Variants in FBLN5 observed in about 807,000 individuals in gnomAD.
The protein encoded by FBLN5 is fibulin-5.
Under a neutral mutation model 61.6 loss-of-function variants are expected in FBLN5, and 24 were observed. The ratio of observed to expected loss-of-function variants is 0.39; its 90% CI spans 0.28 to 0.55. The LOEUF is 0.55. Among genes scored for constraint, FBLN5 ranks in the 20% least tolerant of loss-of-function variants. The pLI is 0.65. For synonymous variants in FBLN5, 213 were observed against 219.8 expected (o/e 0.97, Z 0.27); for missense variants, 470 against 594.1 (o/e 0.79, Z 2.17).
At chr14:91,887,566 A>T (rs1889784477) in intron 6 of FBLN5, among the ~76,000 whole-genome samples, 1 of 152,082 alleles carries the variant, frequency 6.6e-6, no homozygotes, top group Admixed American at 6.5e-5. Context: ...TATACACATG[A>T]TATAAACATA....
intron 6 of FBLN5, 24 bp from the exon 7 acceptor site, chr14:91,887,336 CTG>C (rs769152428): frequency 1.2e-6 from 2 of 1,610,516 alleles, no homozygotes; most frequent in Non-Finnish European, 1.7e-6. Flanking sequence ...AGGCACATTG[CTG>C]ACTGTCCTCC....
At chr14:91,936,891 C>T (rs549484178) in intron 4 of FBLN5, 56 bp downstream of exon 4, 337 of 1,609,626 alleles carry the variant, frequency 2.1e-4, no homozygotes, top group Non-Finnish European at 2.4e-4. Flanking sequence ...ATGCCAGATA[C>T]AGACGATGTC....
At chr14:91,926,103 T>A (rs560080407) in intron 4 of FBLN5, among the ~76,000 whole-genome samples, 21 of 152,308 alleles carry the variant, frequency 1.4e-4, no homozygotes, top group African/African-American at 4.8e-4. Context: ...GGATAAACAG[T>A]GGAGGCTGGC....
rs187592446 is a variant in FBLN5 at position 91,882,469 on chromosome 14, G to A, written c.862+485C>T. Among the ~76,000 whole-genome samples the A allele has an allele frequency of 6.6e-6, 1 of 152,346 alleles. No individual in the cohort carries two copies. Among genetic ancestry groups the A allele is most frequent in the Admixed American group, 6.5e-5 (1 of 15,308 alleles). ...AGGCCCACCCCTTTTACAGTCTGGG[G>A]TCCCAGCCCTTGCAGGAACAGAGCA... On this transcript the variant is annotated intron_variant, in intron 8 of 10. Transcript: ENST00000342058. The surrounding 1 kb of genome is among the most constrained non-coding windows in gnomAD (Gnocchi z 4.9).
At chr14:91,930,386 A>T (rs1371291988) in intron 4 of FBLN5, among the ~76,000 whole-genome samples, 1 of 152,176 alleles carries the variant, frequency 6.6e-6, no homozygotes, top group Non-Finnish European at 1.5e-5. Flanking sequence ...GGCCATGCCC[A>T]TGAACAAGCT....
At chr14:91,945,933 T>G (rs947184051) in intron 1 of FBLN5, among the ~76,000 whole-genome samples, 1 of 152,228 alleles carries the variant, frequency 6.6e-6, no homozygotes, top group Admixed American at 6.5e-5. Context: ...GTCTGTGTAT[T>G]ATGAATTTCA....
chr14:91,872,862 C>A (rs560748407), intron 10 of FBLN5, among the ~76,000 whole-genome samples: 1 of 152,192 alleles, frequency 6.6e-6, no homozygotes, highest in Non-Finnish European at 1.5e-5. Flanking sequence ...GCTTTCACTG[C>A]GTGAACAAAG....
At chr14:91,919,390 A>AAGGAAGGAAGGAAGGAAGG (rs1566819989) in intron 4 of FBLN5, among the ~76,000 whole-genome samples, 15 of 99,584 alleles carry the variant, frequency 1.5e-4, no homozygotes, top group South Asian at 7.4e-4. Flanking sequence ...AGAAAGAAAG[A>AAGGAAGGAAGGAAGGAAGG]AAGGAAGGAA....
At position 91,947,654 on chromosome 14, in the gene FBLN5, T is replaced by G; in HGVS notation, c.-425A>C. ...GTGCTCGGCGCTGGGAGGAGAGCCC[T>G]TCCCCGGCCGCGCTCGGCTGCGAGC... On this transcript the variant is annotated 5_prime_UTR_variant, in exon 1 of 11. Coordinates refer to ENST00000342058, the MANE Select transcript of FBLN5 (RefSeq NM_006329.4). This position sits in a 1 kb window ranked among gnomAD's most constrained non-coding sequence, Gnocchi z 4.3. 1.2e-5 allele frequency: 2 copies of G among 163,234 alleles called. No homozygotes were observed. Among genetic ancestry groups the G allele is most frequent in the African/African-American group, 2.4e-5 (1 of 41,734 alleles). The allele number at this position is 163,234 out of a possible 1,614,324, so 10.1% of individuals were successfully genotyped here. A position where few individuals can be genotyped will look rare whatever the true frequency, so the allele number is the denominator to read the frequency against.
At chr14:91,924,640 C>T (rs887347239) in intron 4 of FBLN5, among the ~76,000 whole-genome samples, 1 of 151,936 alleles carries the variant, frequency 6.6e-6, no homozygotes, top group African/African-American at 2.4e-5. Flanking sequence ...CAAGATAGCA[C>T]CACTGCACAA....
intron 9 of FBLN5, among the ~76,000 whole-genome samples, chr14:91,879,750 C>T (rs1369419866): frequency 2.0e-5 from 3 of 152,182 alleles, no homozygotes; most frequent in Non-Finnish European, 2.9e-5. Flanking sequence ...CCGCCTGTCC[C>T]GGCATTATCC....
chr14:91,899,793 G>A (rs1453602955), intron 4 of FBLN5, among the ~76,000 whole-genome samples: 1 of 152,252 alleles, frequency 6.6e-6, no homozygotes, highest in Non-Finnish European at 1.5e-5. Flanking sequence ...ATAAAGGGAT[G>A]TCCCTCAGGC....
rs143399453 is a variant in FBLN5 at position 91,886,739 on chromosome 14, A to G, written c.739+454T>C. On this transcript the variant is annotated intron_variant, in intron 7 of 10. Transcript: ENST00000342058. ...GAGATTTCAGAAGTTCACAGAACAT[A>G]TGTGCTTCCATACATGTTCTCATTC... is the stretch of plus-strand genomic sequence containing the variant. 3.1e-3 allele frequency among the ~76,000 whole-genome samples: 475 copies of G among 152,294 alleles called. 2 individuals are homozygous for G. Among genetic ancestry groups the G allele is most frequent in the African/African-American group, 9.6e-3 (400 of 41,534 alleles).
In FBLN5 at chr14:91,870,256, G is replaced by C; in HGVS notation, c.1315C>G (p.Leu439Val). ...GGGTACTGCGACACATATATCCGCA[G>C]TCGGATCACGGAGCTGCCTCTGAAG... ...INFRGSSVIR[L>V]RIYVSQYPF Residue 439 changes from leucine to valine, a missense_variant, in exon 11 of 11, where the codon CTG (leucine) becomes GTG (valine). By Grantham distance (32) the Leu-to-Val change is conservative. Transcript: ENST00000342058. 1.2e-6 allele frequency: 2 copies of C among 1,614,246 alleles called. No individual in the cohort carries two copies. The highest frequency in any genetic ancestry group is 1.7e-6 in the Non-Finnish European group (2 of 1,180,034).
intron 10 of FBLN5, chr14:91,873,788 ACACT>A (rs1490023669): frequency 6.6e-6 from 1 of 152,228 alleles, no homozygotes; most frequent in Non-Finnish European, 1.5e-5. Context: ...GATCCCAAAC[ACACT>A]CAGGTTTATT....
chr14:91,937,194 A>G lies in FBLN5; in HGVS notation c.132T>C (p.Asp44=). ...DRQSGQCLDI[D]ECRTIPEACR... ...AGGCCTCGGGGATGGTTCGGCATTC[A>G]TCAATATCTGAAAGGCACAGAAAGG... The change falls in exon 4 of 11, where the codon GAT becomes GAC. Residue 44 remains aspartate (D), a synonymous_variant. Transcript: ENST00000342058. The G allele has an allele frequency of 6.2e-7, 1 of 1,614,118 alleles. No homozygotes were observed. The highest frequency in any genetic ancestry group is 8.5e-7 in the Non-Finnish European group (1 of 1,180,024).
chr14:91,945,121 C>T (rs549097052), intron 1 of FBLN5, among the ~76,000 whole-genome samples: 4 of 151,950 alleles, frequency 2.6e-5, no homozygotes, highest in South Asian at 4.2e-4. Context: ...GTCCCAGCTA[C>T]TCTGGAGGCC....
At position 91,891,278 on chromosome 14, in the gene FBLN5, A is replaced by G; in HGVS notation, c.562T>C (p.Tyr188His). The change falls in exon 6 of 11, where the codon TAT becomes CAT. Residue 188 changes from tyrosine to histidine, a missense_variant. Coordinates refer to ENST00000342058, the MANE Select transcript of FBLN5 (RefSeq NM_006329.4). The stretch of plus-strand genomic sequence containing the variant: ...AAACCAGGGTTGCATGTACAAGAAT[A>G]GGATCCAGGAACATTCGCACAGAGC... ...QQLCANVPGS[Y>H]SCTCNPGFTL... The G allele has an allele frequency of 6.2e-7, 1 of 1,613,938 alleles. No homozygotes were observed.
chr14:91,910,183 T>C (rs895346279), intron 4 of FBLN5, among the ~76,000 whole-genome samples: 9 of 152,206 alleles, frequency 5.9e-5, no homozygotes, highest in Non-Finnish European at 1.2e-4. Flanking sequence ...GAGGGAATAT[T>C]GTTCAGCCTT....
Sources: gnomAD v4.1 joint callset for allele counts (sites outside exome capture counted in the v4.1 genomes callset) on GRCh38, gnomAD v4.1.1 for gene constraint, Gnocchi (gnomAD v3.1) non-coding constraint, MANE v1.5 for transcripts, NCBI Gene and HGNC (gene_info 2026-07-23, HGNC 2026-07-21) for gene names.